The following TBC1D7 variants were observed in gnomAD, a reference collection of about 807,000 sequenced individuals.
The protein encoded by TBC1D7 is TBC domain family 7.
In TBC1D7, 33 loss-of-function variants were observed where a neutral mutation model predicts 35.3. That is an observed-to-expected ratio of 0.93 (90% CI 0.71 to 1.25). TBC1D7 has a LOEUF of 1.25. Among genes scored for constraint, TBC1D7 ranks in the 50% most tolerant of loss-of-function variants. The pLI is 0.00. For missense variants in TBC1D7, 362 were observed against 365.3 expected, an observed-to-expected ratio of 0.99 and a Z score of 0.07; for synonymous variants, 135 against 129.5, an observed-to-expected ratio of 1.04 and a Z score of -0.29.
At position 13,306,511 on chromosome 6, in the gene TBC1D7, C is replaced by G; in HGVS notation, c.682G>C (p.Val228Leu). Reference sequence around the variant, plus strand: ...ACTAGGATCTTACAGGATCCACTCACAACTTTATCCCAAACCCTACAAAAA... The same window carrying G: ...ACTAGGATCTTACAGGATCCACTCAGAACTTTATCCCAAACCCTACAAAAA... ...SSLQRVWDKV[V>L]SGSCKILVFV... is the part of the protein sequence containing the mutation. Residue 228 changes from valine to leucine, a missense_variant, in exon 7 of 8, where the codon GTG (valine) becomes CTG (leucine). Val to Leu is a conservative substitution (Grantham distance 32). Transcript: ENST00000379300. The G allele has an allele frequency of 6.2e-7, 1 of 1,600,904 alleles. No individual in the cohort carries two copies. The highest frequency in any genetic ancestry group is 8.5e-7 in the Non-Finnish European group (1 of 1,175,528).
rs887973870 is a variant in TBC1D7 at position 13,317,624 on chromosome 6, A to G, written c.382-916T>C. The stretch of plus-strand genomic sequence containing the variant: ...TAAGTTTTCTCAAAACATTTTATTA[A>G]TGTGTCAAAGGAGAATGGAAAATAA... On this transcript the variant is annotated intron_variant, in intron 4 of 7. Coordinates refer to ENST00000379300, the MANE Select transcript of TBC1D7 (RefSeq NM_016495.6). Among the ~76,000 whole-genome samples the G allele has an allele frequency of 2.6e-5, 4 of 152,248 alleles. No homozygotes were observed. The South Asian group carries it at 8.3e-4, about 31-fold the overall frequency.
At chr6:13,314,136 T>C (rs774706071) in intron 5 of TBC1D7, among the ~76,000 whole-genome samples, 2 of 146,970 alleles carry the variant, frequency 1.4e-5, no homozygotes, top group Non-Finnish European at 3.0e-5. Flanking sequence ...ACCCGGGAGG[T>C]GGAGCTTGCA....
At chr6:13,314,204 CAAA>C (rs5874413) in intron 5 of TBC1D7, among the ~76,000 whole-genome samples, 10 of 109,058 alleles carry the variant, frequency 9.2e-5, no homozygotes, top group Admixed American at 1.7e-4. Flanking sequence ...GACTCCATCT[CAAA>C]AAAAAAAAAA....
At chr6:13,306,276 T>C (rs1782800511) in intron 7 of TBC1D7, 122 bp downstream of exon 7, 1 of 710,820 alleles carries the variant, frequency 1.4e-6, no homozygotes. Flanking sequence ...TGAAACATTC[T>C]AAGGTATTAT....
At chr6:13,318,960 A>C (rs1381063191) in intron 4 of TBC1D7, 2 of 152,242 alleles carry the variant, frequency 1.3e-5, no homozygotes, top group East Asian at 3.8e-4. Flanking sequence ...TAGTAACCTT[A>C]CAGTGGAGAA....
chr6:13,307,553 C>G (rs1782893795), intron 6 of TBC1D7, 47 bp downstream of exon 6: 1 of 1,603,336 alleles, frequency 6.2e-7, no homozygotes, highest in Non-Finnish European at 8.5e-7. Context: ...GGCCAGAACT[C>G]TGCTCTAACG....
Position 13,316,568 on chromosome 6 carries a change from C to T in TBC1D7, c.519+3G>A. The T allele has an allele frequency of 6.3e-7, 1 of 1,591,208 alleles. No individual in the cohort carries two copies. The highest frequency in any genetic ancestry group is 1.4e-5 in the African/African-American group (1 of 73,460). On this transcript the variant is annotated splice_donor_region_variant and intron_variant, in intron 5 of 7. Transcript: ENST00000379300. ...ATAGCCAAAAAAAAAAAAAAGCCCT[C>T]ACCAACTGGGGCAAGGAATCCCGGT...
intron 5 of TBC1D7, among the ~76,000 whole-genome samples, chr6:13,309,099 T>TA (rs1313818434): frequency 6.6e-6 from 1 of 152,244 alleles, no homozygotes; most frequent in Non-Finnish European, 1.5e-5. Flanking sequence ...AACCTCCCTA[T>TA]ACTGCTCAAC....
At chr6:13,326,716 T>C (rs1784429597) in intron 2 of TBC1D7, 71 bp downstream of exon 2, 1 of 990,074 alleles carries the variant, frequency 1.0e-6, no homozygotes, top group African/African-American at 1.7e-5. Flanking sequence ...GGATGTCTTT[T>C]AAGAAAATAT....
intron 3 of TBC1D7, among the ~76,000 whole-genome samples, chr6:13,322,069 G>A (rs934103224): frequency 6.6e-6 from 1 of 152,000 alleles, no homozygotes; most frequent in Admixed American, 6.6e-5. Flanking sequence ...AAGGTATTTG[G>A]GAAACCCTGT....
In TBC1D7 at chr6:13,316,452, A is replaced by T. The variant is rs148512250; in HGVS notation, c.519+119T>A. The T allele has an allele frequency of 2.4e-3, 2,543 of 1,081,000 alleles. 26 individuals carry two copies. In the Middle Eastern group the frequency reaches 0.036, roughly 15 times the overall value. The allele number at this position is 1,081,000 out of a possible 1,614,324, so 67.0% of individuals were successfully genotyped here. ...GGACTTTTACAGAAAACGCTTGCTGAGTTCTACTATAAAGGGTTATTCAGA... is the reference window on the plus strand; with the variant it reads ...GGACTTTTACAGAAAACGCTTGCTGTGTTCTACTATAAAGGGTTATTCAGA... On this transcript the variant is annotated intron_variant, in intron 5 of 7. Transcript: ENST00000379300.
intron 5 of TBC1D7, among the ~76,000 whole-genome samples, chr6:13,308,395 G>A (rs899855941): frequency 1.3e-5 from 2 of 152,182 alleles, no homozygotes; most frequent in Non-Finnish European, 2.9e-5. Context: ...GAATTTCTTA[G>A]AATTCAAGGG....
intron 5 of TBC1D7, among the ~76,000 whole-genome samples, chr6:13,315,377 C>T (rs566689566): frequency 6.6e-6 from 1 of 152,288 alleles, no homozygotes; most frequent in African/African-American, 2.4e-5. Flanking sequence ...ATTTTCTTTT[C>T]TCTAGCTTAC....
chr6:13,316,859 A>C (rs1006574848), intron 4 of TBC1D7, 151 bp from the exon 5 acceptor site: 2 of 888,840 alleles, frequency 2.3e-6, no homozygotes, highest in African/African-American at 3.4e-5. Flanking sequence ...TCCCTCCCTG[A>C]AGAGGGGAGC....
chr6:13,322,114 G>A (rs1784084861), intron 3 of TBC1D7, among the ~76,000 whole-genome samples: 1 of 152,124 alleles, frequency 6.6e-6, no homozygotes, highest in African/African-American at 2.4e-5. Context: ...AGTGGCACAT[G>A]CCTGTAGTCC....
At chr6:13,312,708 A>T (rs894237013) in intron 5 of TBC1D7, among the ~76,000 whole-genome samples, 3 of 150,804 alleles carry the variant, frequency 2.0e-5, no homozygotes, top group Non-Finnish European at 2.9e-5. Context: ...AAAAAAAAAA[A>T]GTTAGGAGAA....
chr6:13,325,960 G>A (rs978651024), intron 2 of TBC1D7, among the ~76,000 whole-genome samples: 6 of 152,162 alleles, frequency 3.9e-5, no homozygotes, highest in African/African-American at 1.2e-4. Flanking sequence ...TATCAAAGGA[G>A]AATACCAGAC....
intron 2 of TBC1D7, among the ~76,000 whole-genome samples, chr6:13,325,904 T>G (rs1270536760): frequency 6.6e-6 from 1 of 152,182 alleles, no homozygotes; most frequent in Non-Finnish European, 1.5e-5. Flanking sequence ...ATCCCTACAT[T>G]TTCCAATAAA....
intron 5 of TBC1D7, among the ~76,000 whole-genome samples, chr6:13,311,400 T>C (rs1783201031): frequency 6.6e-6 from 1 of 152,206 alleles, no homozygotes; most frequent in African/African-American, 2.4e-5. Flanking sequence ...AGAATAGACA[T>C]ATCACCACTC....
Sources: allele counts gnomAD v4.1 joint callset (sites outside exome capture counted in the v4.1 genomes callset), GRCh38; gene constraint gnomAD v4.1.1; transcripts MANE v1.5; gene names NCBI Gene and HGNC (gene_info 2026-07-23, HGNC 2026-07-21).